CSMD3: variants seen among roughly 807,000 people sequenced by gnomAD.
CSMD3 encodes CUB and Sushi multiple domains 3.
In CSMD3, 177 loss-of-function variants were observed where a neutral mutation model predicts 435.2. The ratio of observed to expected loss-of-function variants is 0.41; its 90% confidence interval spans 0.36 to 0.46. The LOEUF is 0.46. Among genes scored for constraint, CSMD3 ranks in the 20% least tolerant of loss-of-function variants. CSMD3 has a pLI of 0.34. For missense variants in CSMD3, 4,265 were observed against 4,504.6 expected (o/e 0.95, Z 1.52); for synonymous variants, 1,656 against 1,520.5 (o/e 1.09, Z -2.07).
rs2130150791 is a variant in CSMD3 at position 113,436,673 on chromosome 8, C to G, written c.178+4G>C. ...AGCGGAGGGGACCCCCAAAGCAGAC[C>G]TACCTTTCACACAAGACACCGTCAA... On this transcript the variant is annotated splice_donor_region_variant and intron_variant, in intron 1 of 70. Transcript: ENST00000297405. 1.2e-6 allele frequency: 2 copies of G among 1,614,082 alleles called. No individual in the cohort carries two copies. The highest frequency in any genetic ancestry group is 1.7e-6 in the Non-Finnish European group (2 of 1,180,000).
chr8:112,273,433 T>C (rs1817711206), intron 59 of CSMD3, among the ~76,000 whole-genome samples: 1 of 152,040 alleles, frequency 6.6e-6, no homozygotes, highest in Admixed American at 6.6e-5. Context: ...TATCTGCAAG[T>C]AGTTTAAAAT....
At chr8:112,822,474 AT>A (rs1261964635) in intron 12 of CSMD3, among the ~76,000 whole-genome samples, 1 of 151,910 alleles carries the variant, frequency 6.6e-6, no homozygotes, top group Non-Finnish European at 1.5e-5. Flanking sequence ...GGCGTATAGG[AT>A]TTTTTGTGAC....
intron 35 of CSMD3, 45 bp downstream of exon 35, chr8:112,406,479 T>C (rs751970155): frequency 3.0e-6 from 4 of 1,345,730 alleles, no homozygotes; most frequent in South Asian, 2.7e-5. Context: ...CCAATTTTTA[T>C]ATAAACTATG....
At chr8:113,419,664 G>C (rs1386208309) in intron 1 of CSMD3, among the ~76,000 whole-genome samples, 2 of 152,042 alleles carry the variant, frequency 1.3e-5, no homozygotes, top group East Asian at 3.9e-4. Flanking sequence ...AATTTTATCA[G>C]GAATTCAATC....
chr8:113,113,590 G>C (rs1029967886), intron 4 of CSMD3, among the ~76,000 whole-genome samples: 4 of 152,184 alleles, frequency 2.6e-5, no homozygotes, highest in Non-Finnish European at 4.4e-5. Context: ...TAACTGTGTT[G>C]CTGGCTGGGA....
chr8:112,786,998 C>G (rs2078560007), intron 13 of CSMD3, among the ~76,000 whole-genome samples: 1 of 152,058 alleles, frequency 6.6e-6, no homozygotes, highest in African/African-American at 2.4e-5. Context: ...GTTTTCTGTT[C>G]CTGTGTTAGT....
chr8:112,815,336 G>A (rs1331542157), intron 12 of CSMD3, among the ~76,000 whole-genome samples: 1 of 152,104 alleles, frequency 6.6e-6, no homozygotes, highest in South Asian at 2.1e-4. Flanking sequence ...GCATAATAAG[G>A]TAGGATAATG....
intron 13 of CSMD3, among the ~76,000 whole-genome samples, chr8:112,692,188 C>T (rs1271082424): frequency 1.3e-5 from 2 of 151,688 alleles, no homozygotes. Context: ...GATTATATTG[C>T]TATTCTTTTT....
At chr8:112,327,186 A>G (rs1427737001) in intron 45 of CSMD3, among the ~76,000 whole-genome samples, 2 of 152,286 alleles carry the variant, frequency 1.3e-5, no homozygotes, top group Admixed American at 1.3e-4. Context: ...AGTGCTCTGG[A>G]AATCACTTAA....
At chr8:112,467,096 G>A (rs1474319749) in intron 32 of CSMD3, among the ~76,000 whole-genome samples, 7 of 152,176 alleles carry the variant, frequency 4.6e-5, no homozygotes, top group Admixed American at 3.3e-4. Context: ...ATGCAAAAGG[G>A]TTTGGTAACT....
At chr8:112,726,220 T>C (rs1376569450) in intron 13 of CSMD3, among the ~76,000 whole-genome samples, 1 of 151,966 alleles carries the variant, frequency 6.6e-6, no homozygotes, top group Non-Finnish European at 1.5e-5. Flanking sequence ...ATAGGGATTA[T>C]GGAGATTATA....
chr8:113,047,845 C>T (rs1206531785), intron 5 of CSMD3, among the ~76,000 whole-genome samples: 2 of 152,132 alleles, frequency 1.3e-5, no homozygotes, highest in African/African-American at 4.8e-5. Context: ...GTGTGTGTCA[C>T]AGTGGCAAGC....
At position 112,959,188 on chromosome 8, in the gene CSMD3, C is replaced by A. The variant is rs115717905; in HGVS notation, c.1343-4427G>T. On this transcript the variant is annotated intron_variant, in intron 7 of 70. Transcript: ENST00000297405. Reference sequence around the variant, plus strand: ...AACAGACATGTTTAGTATTAGTTAGCAGAACATTGTTTTAATTAGAAATAA... The same window carrying A: ...AACAGACATGTTTAGTATTAGTTAGAAGAACATTGTTTTAATTAGAAATAA... 6.6e-3 allele frequency among the ~76,000 whole-genome samples: 1,011 copies of A among 152,068 alleles called. 12 individuals carry two copies. Among genetic ancestry groups the A allele is most frequent in the African/African-American group, 0.023 (969 of 41,540 alleles).
chr8:112,960,871 A>G (rs1324889251), intron 7 of CSMD3, among the ~76,000 whole-genome samples: 1 of 151,668 alleles, frequency 6.6e-6, no homozygotes. Flanking sequence ...TGTACTCTCC[A>G]TTTAAAAAAT....
At chr8:112,849,458 T>C (rs553730455) in intron 11 of CSMD3, among the ~76,000 whole-genome samples, 2 of 152,158 alleles carry the variant, frequency 1.3e-5, no homozygotes, top group South Asian at 4.1e-4. Context: ...ATAATTTACA[T>C]GTTTATATTG....
At chr8:112,295,025 A>G (rs372323761) in intron 54 of CSMD3, among the ~76,000 whole-genome samples, 3 of 152,206 alleles carry the variant, frequency 2.0e-5, no homozygotes, top group African/African-American at 4.8e-5. Flanking sequence ...ACTGTACCCA[A>G]TGTGTAATCT....
rs764969622 is a variant in CSMD3 at position 113,355,716 on chromosome 8, TTATTTTTATATA to T, written c.179-40935_179-40924del. On this transcript the variant is annotated intron_variant, in intron 1 of 70. Coordinates refer to ENST00000297405, the MANE Select transcript of CSMD3 (RefSeq NM_198123.2). ...CCTGAATAAATAACTCTTAAAAGTT[TTATTTTTATATA>T]TATATATATATATATATATATACAC... 6.1e-4 allele frequency among the ~76,000 whole-genome samples: 56 copies of T among 92,208 alleles called. 2 individuals are homozygous for T. The highest frequency in any genetic ancestry group is 1.7e-3 in the African/African-American group (33 of 19,870). 60.5% of individuals were successfully genotyped at this position (92,208 alleles called of 152,430 possible). A position where few individuals can be genotyped will look rare whatever the true frequency, so the allele number is the denominator to read the frequency against.
At chr8:112,377,597 C>T (rs979216122) in intron 38 of CSMD3, among the ~76,000 whole-genome samples, 1 of 152,072 alleles carries the variant, frequency 6.6e-6, no homozygotes, top group Non-Finnish European at 1.5e-5. Flanking sequence ...AAATCCTCAA[C>T]AACATGATAG....
intron 12 of CSMD3, among the ~76,000 whole-genome samples, chr8:112,806,417 T>C (rs2113666): frequency 6.6e-6 from 1 of 152,052 alleles, no homozygotes; most frequent in Non-Finnish European, 1.5e-5. Context: ...GGAAGTAGCA[T>C]ATAAACTTTT....
Sources: gnomAD v4.1 joint callset for allele counts (sites outside exome capture counted in the v4.1 genomes callset) on GRCh38, gnomAD v4.1.1 for gene constraint, MANE v1.5 for transcripts, NCBI Gene and HGNC (gene_info 2026-07-23, HGNC 2026-07-21) for gene names.